TBC1D22A: variants seen among roughly 807,000 people sequenced by gnomAD.
TBC1D22A encodes the protein putative GTPase activator.
In TBC1D22A, 38 loss-of-function variants were observed where a neutral mutation model predicts 60.2. The observed-to-expected ratio is 0.63, with a 90% CI of 0.49 to 0.83. TBC1D22A has a LOEUF of 0.83. TBC1D22A is among the 40% of genes least tolerant of loss of function. The probability of loss-of-function intolerance (pLI) is 0.00; values close to 1 mark genes in which losing one functional copy is unlikely to be tolerated. For missense variants in TBC1D22A, 628 were observed against 701.0 expected (o/e 0.90, Z 1.18); for synonymous variants, 302 against 281.7 (o/e 1.07, Z -0.72).
Position 46,906,779 on chromosome 22 carries a change from C to CTGTGTGTGTGTGTGTGTGTG in TBC1D22A, c.901-5293_901-5274dup, listed in dbSNP as rs148450942. Among the ~76,000 whole-genome samples, 133 of 149,174 alleles carry CTGTGTGTGTGTGTGTGTGTG rather than the reference C, an allele frequency of 8.9e-4. 3 individuals are homozygous for CTGTGTGTGTGTGTGTGTGTG. Among genetic ancestry groups the CTGTGTGTGTGTGTGTGTGTG allele is most frequent in the African/African-American group, 3.1e-3 (127 of 40,592 alleles). ...GTGTGTGTCCCAGATGGACCCTGAA[C>CTGTGTGTGTGTGTGTGTGTG]TGTGTGTGTGTGTGTGTGTGTATGT... On this transcript the variant is annotated intron_variant, in intron 7 of 12. Transcript: ENST00000337137.
chr22:46,995,141 G>A (rs937777832), intron 9 of TBC1D22A, among the ~76,000 whole-genome samples: 1 of 152,134 alleles, frequency 6.6e-6, no homozygotes, highest in African/African-American at 2.4e-5. Flanking sequence ...ATCAGCCCAC[G>A]ACATCTAGGA....
At chr22:47,099,467 C>A (rs1348292682) in intron 11 of TBC1D22A, among the ~76,000 whole-genome samples, 4 of 149,168 alleles carry the variant, frequency 2.7e-5, no homozygotes, top group Admixed American at 6.7e-5. Flanking sequence ...TTTTTTGAAA[C>A]GGAGTTTCGC....
intron 11 of TBC1D22A, among the ~76,000 whole-genome samples, chr22:47,055,115 C>T (rs957020374): frequency 1.1e-4 from 16 of 152,252 alleles, no homozygotes; most frequent in Non-Finnish European, 5.9e-5. Flanking sequence ...TGCATGGGTA[C>T]TTGCTCCCTC....
At chr22:46,903,914 C>T (rs969231777) in intron 7 of TBC1D22A, among the ~76,000 whole-genome samples, 18 of 152,098 alleles carry the variant, frequency 1.2e-4, no homozygotes, top group Admixed American at 2.6e-4. Context: ...GGGCTGCTGC[C>T]GAGTGCCCCG....
intron 11 of TBC1D22A, among the ~76,000 whole-genome samples, chr22:47,083,762 A>T (rs748864493): frequency 6.6e-6 from 1 of 152,196 alleles, no homozygotes; most frequent in African/African-American, 2.4e-5. Flanking sequence ...AGATATTCAA[A>T]TGGCCATCAA....
intron 4 of TBC1D22A, among the ~76,000 whole-genome samples, chr22:46,861,173 G>C (rs1245606088): frequency 3.9e-5 from 6 of 151,982 alleles, no homozygotes; most frequent in African/African-American, 1.5e-4. Flanking sequence ...GCCCAGGTTG[G>C]TCTCAAACTC....
intron 7 of TBC1D22A, among the ~76,000 whole-genome samples, chr22:46,910,372 T>C (rs536032627): frequency 3.3e-5 from 5 of 152,172 alleles, no homozygotes; most frequent in Admixed American, 2.0e-4. Flanking sequence ...ATTTTGGGGA[T>C]GGAGCCTACC....
chr22:46,793,680 G>T lies in TBC1D22A; in HGVS notation c.299G>T (p.Arg100Leu). 6.2e-7 allele frequency: 1 copy of T among 1,613,084 alleles called. No homozygotes were observed. Among genetic ancestry groups the T allele is most frequent in the African/African-American group, 1.3e-5 (1 of 75,044 alleles). ...NSEVVMETANRVLRNHSQRQG... is the reference protein window; with the variant it reads ...NSEVVMETANLVLRNHSQRQG... ...GAGGTGGTCATGGAGACGGCCAACC[G>T]TGTGCTGCGTAACCACAGCCAGCGG... The change falls in exon 3 of 13, where the codon CGT (arginine) becomes CTT (leucine). Residue 100 changes from arginine (R) to leucine (L), a missense_variant. Transcript: ENST00000337137.
At chr22:46,894,952 G>A in intron 7 of TBC1D22A, 106 bp downstream of exon 7, 1 of 1,276,714 alleles carries the variant, frequency 7.8e-7, no homozygotes, top group Middle Eastern at 2.0e-4. Context: ...CAGAAGCAAG[G>A]TTGCTGTGGT....
chr22:47,162,336 A>G (rs1227498397), intron 12 of TBC1D22A, among the ~76,000 whole-genome samples: 1 of 151,726 alleles, frequency 6.6e-6, no homozygotes, highest in African/African-American at 2.4e-5. Flanking sequence ...TGGTGCTGTC[A>G]TGTTTTCACT....
chr22:46,937,260 A>G (rs2071708863), intron 8 of TBC1D22A, among the ~76,000 whole-genome samples: 1 of 152,216 alleles, frequency 6.6e-6, no homozygotes. Flanking sequence ...CAGTTACCAC[A>G]TGGACCCACC....
intron 8 of TBC1D22A, among the ~76,000 whole-genome samples, chr22:46,922,742 T>G (rs1291436901): frequency 1.3e-5 from 2 of 152,236 alleles, no homozygotes; most frequent in African/African-American, 4.8e-5. Flanking sequence ...TTGGACATTG[T>G]TAGTGTACAG....
At chr22:46,894,745 G>A in intron 6 of TBC1D22A, 39 bp from the exon 7 acceptor site, 1 of 1,610,988 alleles carries the variant, frequency 6.2e-7, no homozygotes, top group Non-Finnish European at 8.5e-7. Context: ...GATGTTTGTT[G>A]TGACGTAACA....
In TBC1D22A at chr22:46,824,002, G is replaced by A. The variant is rs538324434; in HGVS notation, c.637+26382G>A. ...TGTGATTTAAAGTGTCCCTGTAGCC[G>A]TGGTAAGGAAGTAGCAAGCAACAGG... On this transcript the variant is annotated intron_variant, in intron 4 of 12. Coordinates refer to ENST00000337137, the MANE Select transcript of TBC1D22A (RefSeq NM_014346.5). Among the ~76,000 whole-genome samples, 6 of 152,340 alleles carry A rather than the reference G, an allele frequency of 3.9e-5. No individual in the cohort carries two copies. The South Asian group carries it at 6.2e-4, about 16-fold the overall frequency.
chr22:47,101,095 A>G (rs1333145439), intron 11 of TBC1D22A, among the ~76,000 whole-genome samples: 4 of 152,226 alleles, frequency 2.6e-5, no homozygotes, highest in Non-Finnish European at 5.9e-5. Flanking sequence ...TTGTTGAGTC[A>G]TCAGTCAAAG....
intron 10 of TBC1D22A, among the ~76,000 whole-genome samples, chr22:47,020,063 C>G (rs1253734365): frequency 6.6e-6 from 1 of 152,150 alleles, no homozygotes; most frequent in Middle Eastern, 3.2e-3. Flanking sequence ...AGCCATCAGT[C>G]CATCCATCGA....
At chr22:46,854,480 T>A (rs912115291) in intron 4 of TBC1D22A, among the ~76,000 whole-genome samples, 3 of 152,204 alleles carry the variant, frequency 2.0e-5, no homozygotes, top group African/African-American at 4.8e-5. Flanking sequence ...GGGTAATGTT[T>A]GGTCATTGTC....
rs1260447752 is a variant in TBC1D22A, at chr22:46,777,049, A to G, written c.62+14201A>G. The stretch of plus-strand genomic sequence containing the variant: ...GTCAGGGCCAGGGCTGATGGACAGG[A>G]GAAGAGAGATGTGTGGGAGGTTTCC... On this transcript the variant is annotated intron_variant, in intron 1 of 12. Transcript: ENST00000337137. This position sits in a 1 kb window ranked among gnomAD's most constrained non-coding sequence, Gnocchi z 4.5. Among the ~76,000 whole-genome samples the G allele has an allele frequency of 6.6e-6, 1 of 151,964 alleles. No homozygotes were observed. Among genetic ancestry groups the G allele is most frequent in the East Asian group, 1.9e-4 (1 of 5,166 alleles).
intron 8 of TBC1D22A, among the ~76,000 whole-genome samples, chr22:46,936,321 A>T (rs62232700): frequency 6.7e-6 from 1 of 150,052 alleles, no homozygotes; most frequent in Admixed American, 6.6e-5. Flanking sequence ...GGCTCCTCGC[A>T]GTTCTGCACG....
Sources: gnomAD v4.1 joint callset for allele counts (sites outside exome capture counted in the v4.1 genomes callset) on GRCh38, gnomAD v4.1.1 for gene constraint, Gnocchi (gnomAD v3.1) non-coding constraint, MANE v1.5 for transcripts, NCBI Gene and HGNC (gene_info 2026-07-23, HGNC 2026-07-21) for gene names.